Variants in KIAA1328 observed in about 807,000 individuals in gnomAD.
KIAA1328 encodes protein hinderin.
KIAA1328 carries 52 observed loss-of-function variants against 68.1 expected under a neutral mutation model. The observed-to-expected ratio is 0.76, with a 90% CI of 0.61 to 0.96. The LOEUF is 0.96. Ranked by LOEUF, KIAA1328 falls within the 40% of genes least tolerant of loss-of-function variation. The probability of loss-of-function intolerance (pLI) is 0.00; values close to 1 mark genes in which losing one functional copy is unlikely to be tolerated. For missense variants in KIAA1328, 641 were observed against 677.6 expected, an observed-to-expected ratio of 0.95 and a Z score of 0.60; for synonymous variants, 232 against 239.4, an observed-to-expected ratio of 0.97 and a Z score of 0.28.
chr18:36,842,093 G>T (rs954402547), intron 3 of KIAA1328, among the ~76,000 whole-genome samples: 2 of 152,072 alleles, frequency 1.3e-5, no homozygotes, highest in African/African-American at 4.8e-5. Flanking sequence ...GGCAAAAAGG[G>T]AACATTAAAG....
At chr18:36,973,687 G>C (rs2052334668) in intron 6 of KIAA1328, among the ~76,000 whole-genome samples, 1 of 151,970 alleles carries the variant, frequency 6.6e-6, no homozygotes, top group African/African-American at 2.4e-5. Flanking sequence ...ACAAGTCTCA[G>C]AGTAGTTGAA....
chr18:36,905,942 A>G (rs565960350), intron 5 of KIAA1328, among the ~76,000 whole-genome samples: 2 of 152,268 alleles, frequency 1.3e-5, no homozygotes, highest in African/African-American at 2.4e-5. Flanking sequence ...AACTTCTGCC[A>G]TCTATTTAAT....
intron 9 of KIAA1328, among the ~76,000 whole-genome samples, chr18:37,180,430 G>T (rs566158297): frequency 2.0e-5 from 3 of 152,116 alleles, no homozygotes; most frequent in African/African-American, 7.2e-5. Flanking sequence ...TGATTCTGAC[G>T]TGTAAGCACT....
intron 6 of KIAA1328, among the ~76,000 whole-genome samples, chr18:37,031,762 C>T (rs1206258072): frequency 6.6e-6 from 1 of 151,668 alleles, no homozygotes; most frequent in East Asian, 1.9e-4. Context: ...GTTTTTTTAA[C>T]CTTCTTTTAA....
chr18:37,193,036 A>G (rs2059936552), intron 9 of KIAA1328, among the ~76,000 whole-genome samples: 1 of 152,182 alleles, frequency 6.6e-6, no homozygotes, highest in South Asian at 2.1e-4. Flanking sequence ...GATCAAGTTC[A>G]TTGTTGCACA....
chr18:36,893,056 A>G (rs575773609), intron 5 of KIAA1328, among the ~76,000 whole-genome samples: 1 of 152,252 alleles, frequency 6.6e-6, no homozygotes, highest in African/African-American at 2.4e-5. Context: ...AAAAGTCAAA[A>G]TTATTTTTTG....
chr18:37,132,439 A>G (rs1008781556), intron 7 of KIAA1328, among the ~76,000 whole-genome samples: 5 of 152,326 alleles, frequency 3.3e-5, no homozygotes, highest in African/African-American at 1.2e-4. Context: ...TGTAAATGCC[A>G]GAGAATGGGT....
chr18:37,221,903 A>G (rs3747897), intron 9 of KIAA1328, 114 bp from the exon 10 acceptor site: 95,197 of 1,039,510 alleles, frequency 0.092, 5,013 homozygotes, highest in East Asian at 0.17. Flanking sequence ...CATCTTATGC[A>G]TGATGTGATC....
chr18:36,941,933 A>AGAACCTAAT (rs2050728593), intron 5 of KIAA1328, among the ~76,000 whole-genome samples: 1 of 152,228 alleles, frequency 6.6e-6, no homozygotes, highest in Admixed American at 6.5e-5. Context: ...AAGAAAAAAA[A>AGAACCTAAT]GAACCTAATA....
chr18:36,863,329 A>G (rs1432420347), intron 4 of KIAA1328, among the ~76,000 whole-genome samples: 4 of 151,854 alleles, frequency 2.6e-5, no homozygotes, highest in African/African-American at 9.7e-5. Flanking sequence ...TTTGTCAGAA[A>G]TTGGCATATT....
chr18:37,154,347 A>G (rs1230326167), intron 7 of KIAA1328, among the ~76,000 whole-genome samples: 2 of 152,160 alleles, frequency 1.3e-5, no homozygotes. Context: ...TGAGAGCACC[A>G]CTTCTATTAG....
chr18:36,844,189 T>TA lies in KIAA1328; in HGVS notation c.238-16dup. The TA allele has an allele frequency of 6.5e-7, 1 of 1,538,872 alleles. No homozygotes were observed. Among genetic ancestry groups the TA allele is most frequent in the South Asian group, 1.2e-5 (1 of 81,304 alleles). On this transcript the variant is annotated intron_variant, in intron 3 of 9. Transcript: ENST00000280020. ...AAATTGGTTTTAGAAAAAGTGTAAC[T>TA]AAATTTTTTTTTTTTAAGAATTCCT...
intron 5 of KIAA1328, among the ~76,000 whole-genome samples, chr18:36,915,037 G>C (rs1338549216): frequency 6.6e-6 from 1 of 152,190 alleles, no homozygotes; most frequent in Non-Finnish European, 1.5e-5. Flanking sequence ...TTCACAAGAT[G>C]ATTCTAAAAT....
chr18:37,198,362 C>G (rs927525340), intron 9 of KIAA1328, among the ~76,000 whole-genome samples: 2 of 152,152 alleles, frequency 1.3e-5, no homozygotes, highest in Non-Finnish European at 2.9e-5. Context: ...GTTTAAAGTT[C>G]ATAAGATAAA....
intron 6 of KIAA1328, among the ~76,000 whole-genome samples, chr18:37,015,933 A>C (rs2054137178): frequency 1.3e-5 from 2 of 152,316 alleles, no homozygotes; most frequent in East Asian, 3.9e-4. Flanking sequence ...ATATAGAATC[A>C]TATGGTCCAT....
At chr18:37,029,310 T>A (rs186056137) in intron 6 of KIAA1328, among the ~76,000 whole-genome samples, 48 of 151,984 alleles carry the variant, frequency 3.2e-4, no homozygotes, top group African/African-American at 1.2e-3. Context: ...TGCCTAGGGG[T>A]GTTTGTAATA....
At chr18:37,159,155 A>T (rs2059221993) in intron 7 of KIAA1328, among the ~76,000 whole-genome samples, 1 of 152,108 alleles carries the variant, frequency 6.6e-6, no homozygotes, top group South Asian at 2.1e-4. Context: ...ACATAAAGCC[A>T]TTTACTTTCT....
chr18:37,178,929 T>G lies in KIAA1328; in HGVS notation c.1523+5848T>G, dbSNP rs2059646811. Among the ~76,000 whole-genome samples, 3 of 152,206 alleles carry G rather than the reference T, an allele frequency of 2.0e-5. No individual in the cohort carries two copies. In the South Asian group the frequency reaches 6.2e-4, roughly 31 times the overall value. The stretch of plus-strand genomic sequence containing the variant: ...AACCTATTTTTTTAGTCACTTTATT[T>G]TCTTGCTATTGAGTTGTTTGAGTTC... On this transcript the variant is annotated intron_variant, in intron 9 of 9. Transcript: ENST00000280020.
intron 7 of KIAA1328, among the ~76,000 whole-genome samples, chr18:37,132,577 TTTC>T (rs1158237210): frequency 7.9e-5 from 12 of 152,186 alleles, no homozygotes; most frequent in Non-Finnish European, 1.8e-4. Context: ...TAAGTTGACT[TTTC>T]TTCAGTAAAT....
Sources: gnomAD v4.1 joint callset for allele counts (sites outside exome capture counted in the v4.1 genomes callset) on GRCh38, gnomAD v4.1.1 for gene constraint, MANE v1.5 for transcripts, NCBI Gene and HGNC (gene_info 2026-07-23, HGNC 2026-07-21) for gene names.